Variants in CD33 observed in about 807,000 individuals in gnomAD.
CD33 encodes the protein myeloid cell surface antigen CD33.
In CD33, 25 loss-of-function variants were observed where a neutral mutation model predicts 31.4. The ratio of observed to expected loss-of-function variants is 0.80; its 90% CI spans 0.58 to 1.11. The LOEUF is 1.11. Among genes scored for constraint, CD33 ranks in the 50% most tolerant of loss-of-function variants. The pLI, the probability that CD33 is intolerant of heterozygous loss-of-function variation, is 0.00. For missense variants in CD33, 407 were observed against 448.1 expected, an observed-to-expected ratio of 0.91 and a Z score of 0.83; for synonymous variants, 176 against 180.6, an observed-to-expected ratio of 0.97 and a Z score of 0.20.
At chr19:51,231,617 T>TG (rs796923175) in intron 4 of CD33, among the ~76,000 whole-genome samples, 2 of 150,438 alleles carry the variant, frequency 1.3e-5, no homozygotes, top group Non-Finnish European at 2.9e-5. Flanking sequence ...TTTTTTTTTT[T>TG]GTAGTGATAA....
At chr19:51,234,456 C>A (rs1274552195) in intron 4 of CD33, among the ~76,000 whole-genome samples, 1 of 152,188 alleles carries the variant, frequency 6.6e-6, no homozygotes, top group Non-Finnish European at 1.5e-5. Context: ...CATACCTCAA[C>A]CCTTAGCCCT....
intron 4 of CD33, among the ~76,000 whole-genome samples, chr19:51,234,735 T>C (rs1210209090): frequency 6.6e-6 from 1 of 152,132 alleles, no homozygotes; most frequent in East Asian, 1.9e-4. Context: ...CAGGCCCTTT[T>C]TAAGGCCAAA....
chr19:51,220,247 G>T (rs1320523601), upstream of CD33, among the ~76,000 whole-genome samples: 1 of 152,088 alleles, frequency 6.6e-6, no homozygotes, highest in Non-Finnish European at 1.5e-5. Context: ...AGAATCTTAT[G>T]GTTCTAGGAA....
intron 5 of CD33, 104 bp from the exon 6 acceptor site, chr19:51,235,491 A>C (rs1599874623): frequency 1.4e-6 from 2 of 1,478,980 alleles, no homozygotes; most frequent in Admixed American, 4.9e-5. Flanking sequence ...GGGCTCCTGG[A>C]TTAATCCCAC....
chr19:51,211,673 AG>A, the CD33 span: 10 of 1,056,930 alleles, frequency 9.5e-6, no homozygotes, highest in African/African-American at 1.6e-4. Flanking sequence ...ATGTCCTGGA[AG>A]GGGGTTGGGA....
chr19:51,235,654 C>A lies in CD33; in HGVS notation c.902C>A (p.Pro301His). ...RTAVGRNDTH[P>H]TTGSASPKHQ... is the part of the protein sequence containing the mutation. ...GCAGTGGGCAGGAATGACACCCACCCTACCACAGGGTCAGCCTCCCCGGTG... is the reference window on the plus strand; with the variant it reads ...GCAGTGGGCAGGAATGACACCCACCATACCACAGGGTCAGCCTCCCCGGTG... Residue 301 changes from proline (P) to histidine (H), a missense_variant, in exon 6 of 7, where the codon CCT becomes CAT. Coordinates refer to ENST00000262262, the MANE Select transcript of CD33 (RefSeq NM_001772.4). 6.2e-7 allele frequency: 1 copy of A among 1,613,890 alleles called. No homozygotes were observed. The highest frequency in any genetic ancestry group is 8.5e-7 in the Non-Finnish European group (1 of 1,179,948).
Position 51,239,511 on chromosome 19 carries a change from C to T in CD33, c.925-7C>T. 6.3e-7 allele frequency: 1 copy of T among 1,593,604 alleles called. No homozygotes were observed. Among genetic ancestry groups the T allele is most frequent in the Admixed American group, 1.7e-5 (1 of 57,764 alleles). On this transcript the variant is annotated splice_polypyrimidine_tract_variant and splice_region_variant and intron_variant, in intron 6 of 6. Coordinates refer to ENST00000262262, the MANE Select transcript of CD33 (RefSeq NM_001772.4). ...CTGCTCTAACCCCCTTCTTTCCTCTCCATAAGAAACACCAGAAGAAGTCCA... is the reference window on the plus strand; with the variant it reads ...CTGCTCTAACCCCCTTCTTTCCTCTTCATAAGAAACACCAGAAGAAGTCCA...
intron 5 of CD33, 85 bp downstream of exon 5, chr19:51,235,338 C>A: frequency 7.3e-7 from 1 of 1,369,966 alleles, no homozygotes; most frequent in Non-Finnish European, 1.0e-6. Flanking sequence ...GCTGTGAGGG[C>A]TGGAGAAAGG....
chr19:51,218,135 T>A, the CD33 span, among the ~76,000 whole-genome samples: 1 of 152,252 alleles, frequency 6.6e-6, no homozygotes, highest in South Asian at 2.1e-4. Flanking sequence ...ATAATTTACC[T>A]TCCCATGAAC....
At chr19:51,221,550 G>T (rs1158160539), upstream of CD33, among the ~76,000 whole-genome samples, 1 of 152,156 alleles carries the variant, frequency 6.6e-6, no homozygotes, top group Non-Finnish European at 1.5e-5. Flanking sequence ...CTCCTGGTGG[G>T]AATACAAAAT....
intron 6 of CD33, chr19:51,238,267 C>T (rs1490377214): frequency 1.3e-5 from 2 of 152,054 alleles, no homozygotes; most frequent in Non-Finnish European, 2.9e-5. Context: ...TTTTGGTTAC[C>T]GTAAGTTTGA....
At chr19:51,220,664 AACAAT>A (rs1320255116), upstream of CD33, among the ~76,000 whole-genome samples, 1 of 152,220 alleles carries the variant, frequency 6.6e-6, no homozygotes, top group Non-Finnish European at 1.5e-5. Flanking sequence ...CCTATAAAGT[AACAAT>A]ACAGGCTCAA....
At position 51,239,726 on chromosome 19, in the gene CD33, A is replaced by T. The variant is rs1232402143; in HGVS notation, c.*38A>T. ...AGCATCAGGCTCAGCTAGAAGATCC[A>T]CATCCTCTACAGGTCGGGGACCAAA... On this transcript the variant is annotated 3_prime_UTR_variant, in exon 7 of 7. Transcript: ENST00000262262. 1.3e-6 allele frequency: 2 copies of T among 1,552,094 alleles called. No homozygotes were observed. Among genetic ancestry groups the T allele is most frequent in the Non-Finnish European group, 1.8e-6 (2 of 1,140,798 alleles).
At chr19:51,216,916 G>A in the CD33 span, among the ~76,000 whole-genome samples, 1 of 152,156 alleles carries the variant, frequency 6.6e-6, no homozygotes, top group Non-Finnish European at 1.5e-5. Context: ...CAGGAAGAAG[G>A]AAAAGGGGGA....
In CD33 at chr19:51,239,526, G is replaced by C. The variant is rs1267302166; in HGVS notation, c.933G>C (p.Gln311His). Residue 311 changes from glutamine (Q) to histidine (H), a missense_variant, in exon 7 of 7, where the codon CAG becomes CAC. Coordinates refer to ENST00000262262, the MANE Select transcript of CD33 (RefSeq NM_001772.4). Reference protein sequence around the residue: ...PTTGSASPKHQKKSKLHGPTE... With the variant: ...PTTGSASPKHHKKSKLHGPTE... ...TCTTTCCTCTCCATAAGAAACACCA[G>C]AAGAAGTCCAAGTTACATGGCCCCA... 1 of 1,604,040 alleles carries C rather than the reference G, an allele frequency of 6.2e-7. No homozygotes were observed. Among genetic ancestry groups the C allele is most frequent in the Admixed American group, 1.7e-5 (1 of 58,714 alleles).
At chr19:51,235,387 C>T in intron 5 of CD33, 134 bp downstream of exon 5, 1 of 1,214,120 alleles carries the variant, frequency 8.2e-7, no homozygotes, top group Non-Finnish European at 1.2e-6. Flanking sequence ...AGCCTGTGGC[C>T]ACTGGGATAG....
intron 4 of CD33, among the ~76,000 whole-genome samples, chr19:51,230,328 T>C (rs994144487): frequency 6.6e-6 from 1 of 151,172 alleles, no homozygotes; most frequent in African/African-American, 2.4e-5. Context: ...TGAAACCATG[T>C]GTATTCTGCA....
At chr19:51,220,777 C>A (rs916552298), upstream of CD33, among the ~76,000 whole-genome samples, 2 of 152,198 alleles carry the variant, frequency 1.3e-5, no homozygotes, top group African/African-American at 4.8e-5. Flanking sequence ...GCCCTCCAGA[C>A]CTTGCCTTCT....
chr19:51,239,445 T>C (rs1049330994), intron 6 of CD33, 73 bp from the exon 7 acceptor site: 17 of 1,165,854 alleles, frequency 1.5e-5, no homozygotes, highest in Admixed American at 5.4e-5. Context: ...ATTTACTTCA[T>C]TGACCCTCTT....
Sources: allele counts gnomAD v4.1 joint callset (sites outside exome capture counted in the v4.1 genomes callset), GRCh38; gene constraint gnomAD v4.1.1; transcripts MANE v1.5; gene names NCBI Gene and HGNC (gene_info 2026-07-23, HGNC 2026-07-21).